Variants in PTPN13 observed in about 807,000 individuals in gnomAD.
PTPN13 encodes protein tyrosine phosphatase non-receptor type 13.
A neutral mutation model predicts 284.0 loss-of-function variants in PTPN13; 191 were observed. The ratio of observed to expected loss-of-function variants is 0.67; its 90% CI spans 0.60 to 0.76. The LOEUF (loss-of-function observed/expected upper bound fraction) is 0.76. Ranked by LOEUF, PTPN13 falls within the 30% of genes least tolerant of loss-of-function variation. The pLI, the probability that PTPN13 is intolerant of heterozygous loss-of-function variation, is 0.00. For synonymous variants in PTPN13, 986 were observed against 1,022.3 expected (o/e 0.96, Z 0.68); for missense variants, 2,797 against 2,939.9 (o/e 0.95, Z 1.12).
rs761097391 is a variant in PTPN13 at position 86,731,053 on chromosome 4, CAT to C, written c.1609-1346_1609-1345del. On this transcript the variant is annotated intron_variant, in intron 10 of 47. Coordinates refer to ENST00000411767, the MANE Select transcript of PTPN13 (RefSeq NM_080683.3). Reference sequence around the variant, plus strand: ...ACTTTTACATAAATGGTATCTGTCACATGTTACACACTCAATTAAATTGAATA... The same window carrying C: ...ACTTTTACATAAATGGTATCTGTCACGTTACACACTCAATTAAATTGAATA... Among the ~76,000 whole-genome samples, 17 of 152,310 alleles carry C rather than the reference CAT, an allele frequency of 1.1e-4. No homozygotes were observed. The South Asian group carries it at 1.7e-3, about 15-fold the overall frequency.
chr4:86,691,678 A>G (rs1228992397), intron 5 of PTPN13, among the ~76,000 whole-genome samples: 2 of 152,198 alleles, frequency 1.3e-5, no homozygotes, highest in Non-Finnish European at 2.9e-5. Context: ...AGGGCATAAA[A>G]CTAAGGCTAA....
chr4:86,769,668 TG>T, intron 28 of PTPN13, 100 bp from the exon 29 acceptor site: 1 of 759,108 alleles, frequency 1.3e-6, no homozygotes. Flanking sequence ...TACGGGAAAA[TG>T]GGCTTTTAAA....
intron 1 of PTPN13, among the ~76,000 whole-genome samples, chr4:86,615,972 T>G (rs1720503682): frequency 6.6e-6 from 1 of 152,216 alleles, no homozygotes; most frequent in African/African-American, 2.4e-5. Context: ...TAAGCTACTT[T>G]CAATTTGAAT....
chr4:86,753,143 A>G (rs1441702435), intron 20 of PTPN13, 78 bp downstream of exon 20: 1 of 1,123,306 alleles, frequency 8.9e-7, no homozygotes, highest in Non-Finnish European at 1.3e-6. Flanking sequence ...CCTAACAATG[A>G]AGAGTCTTGA....
chr4:86,719,314 CT>C (rs1565405674), intron 9 of PTPN13, among the ~76,000 whole-genome samples: 1 of 152,178 alleles, frequency 6.6e-6, no homozygotes, highest in South Asian at 2.1e-4. Flanking sequence ...TGATCTCATT[CT>C]TTTTTATGGC....
At chr4:86,636,302 A>G (rs568269732) in intron 2 of PTPN13, among the ~76,000 whole-genome samples, 1 of 152,344 alleles carries the variant, frequency 6.6e-6, no homozygotes, top group East Asian at 1.9e-4. Context: ...GTTTTGCGGC[A>G]TTGTGGAGTT....
intron 3 of PTPN13, 118 bp from the exon 4 acceptor site, chr4:86,686,592 A>AT (rs1729484196): frequency 1.5e-6 from 1 of 689,110 alleles, no homozygotes; most frequent in Non-Finnish European, 2.4e-6. Flanking sequence ...TAAAATGATG[A>AT]TTTTCTCAAA....
chr4:86,623,861 C>G (rs189560098), intron 1 of PTPN13, among the ~76,000 whole-genome samples: 9 of 152,208 alleles, frequency 5.9e-5, no homozygotes, highest in Non-Finnish European at 1.2e-4. Flanking sequence ...CCCTAGGCCT[C>G]CTTCTTAGTT....
chr4:86,665,293 C>T (rs563913694), intron 2 of PTPN13, among the ~76,000 whole-genome samples: 18 of 152,220 alleles, frequency 1.2e-4, no homozygotes, highest in African/African-American at 2.2e-4. Flanking sequence ...CTTTTATCTC[C>T]TATTCATAAA....
At chr4:86,651,153 C>G (rs1725033049) in intron 2 of PTPN13, among the ~76,000 whole-genome samples, 1 of 152,038 alleles carries the variant, frequency 6.6e-6, no homozygotes, top group African/African-American at 2.4e-5. Context: ...AATGCTTTTC[C>G]AGCATGTATT....
chr4:86,750,744 G>A lies in PTPN13; in HGVS notation c.2925G>A (p.Gln975=). 1 of 1,613,618 alleles carries A rather than the reference G, an allele frequency of 6.2e-7. No homozygotes were observed. Among genetic ancestry groups the A allele is most frequent in the Non-Finnish European group, 8.5e-7 (1 of 1,179,726 alleles). The change falls in exon 18 of 48, where the codon CAG becomes CAA. Residue 975 remains glutamine (Q), a synonymous_variant. Coordinates refer to ENST00000411767, the MANE Select transcript of PTPN13 (RefSeq NM_080683.3). ...GTAAATCATACCATGATCTCAGTCA[G>A]GCCTCTCTCTATCCACATCGGAAAA... The part of the protein sequence containing the change: ...EMSKSYHDLS[Q]ASLYPHRKNV...
At chr4:86,659,425 C>A (rs945588507) in intron 2 of PTPN13, among the ~76,000 whole-genome samples, 4 of 152,036 alleles carry the variant, frequency 2.6e-5, no homozygotes, top group Non-Finnish European at 5.9e-5. Flanking sequence ...TACAAGCATA[C>A]TTAGAAGTTT....
chr4:86,735,629 T>G lies in PTPN13; in HGVS notation c.2187T>G (p.Tyr729Ter), dbSNP rs1387498567. The stretch of plus-strand genomic sequence containing the variant: ...TGTCTTACTTTAGAATGGAGCACTA[T>G]TTGCCCGCCAGAGTGATGGAGAAAC... ...HGVSYFRMEH[Y>*]LPARVMEKLD... The change falls in exon 15 of 48, where the codon TAT becomes TAG. Residue 729 changes from tyrosine to a stop codon, truncating the protein, a stop_gained. Transcript: ENST00000411767. LOFTEE classifies it high-confidence loss of function. 6 of 1,613,474 alleles carry G rather than the reference T, an allele frequency of 3.7e-6. No homozygotes were observed. Among genetic ancestry groups the G allele is most frequent in the Non-Finnish European group, 5.1e-6 (6 of 1,179,660 alleles).
At chr4:86,799,614 A>G (rs13120724) in intron 42 of PTPN13, among the ~76,000 whole-genome samples, 14,914 of 151,286 alleles carry the variant, frequency 0.099, 853 homozygotes, top group Non-Finnish European at 0.11. Context: ...ACAGGCATGA[A>G]CCACCGCACC....
At chr4:86,633,093 A>G (rs969083236) in intron 1 of PTPN13, among the ~76,000 whole-genome samples, 5 of 152,086 alleles carry the variant, frequency 3.3e-5, no homozygotes, top group Non-Finnish European at 5.9e-5. Flanking sequence ...GGCTTAAGCC[A>G]CTATGCTCAG....
intron 10 of PTPN13, among the ~76,000 whole-genome samples, chr4:86,729,986 T>C (rs1396630773): frequency 6.7e-6 from 1 of 149,710 alleles, no homozygotes; most frequent in East Asian, 1.9e-4. Flanking sequence ...TCTTTGATGT[T>C]GGTGACCTAC....
At chr4:86,667,700 C>T (rs933232826) in intron 2 of PTPN13, among the ~76,000 whole-genome samples, 29 of 152,096 alleles carry the variant, frequency 1.9e-4, no homozygotes, top group Admixed American at 1.5e-3. Flanking sequence ...TTTGGAACAG[C>T]GGCCTCTGCA....
intron 1 of PTPN13, chr4:86,595,713 G>A: frequency 1.0e-6 from 1 of 985,520 alleles, no homozygotes; most frequent in Non-Finnish European, 1.2e-6. Flanking sequence ...CAGAAAATGG[G>A]GCAATCGGGT....
chr4:86,656,062 G>A (rs1053046202), intron 2 of PTPN13, among the ~76,000 whole-genome samples: 2 of 152,138 alleles, frequency 1.3e-5, no homozygotes, highest in Admixed American at 6.5e-5. Context: ...CATGCATCAC[G>A]TAGTTCTTGT....
Sources: allele counts gnomAD v4.1 joint callset (sites outside exome capture counted in the v4.1 genomes callset), GRCh38; gene constraint gnomAD v4.1.1; transcripts MANE v1.5; gene names NCBI Gene and HGNC (gene_info 2026-07-23, HGNC 2026-07-21).